The following IL17RC variants were observed in gnomAD, a reference collection of about 807,000 sequenced individuals.
IL17RC encodes the protein interleukin-17 receptor C.
IL17RC carries 53 observed loss-of-function variants against 86.7 expected under a neutral mutation model. That is an observed-to-expected ratio of 0.61 (90% confidence interval 0.49 to 0.77). IL17RC has a LOEUF of 0.77. Ranked by LOEUF, IL17RC falls within the 30% of genes least tolerant of loss-of-function variation. The pLI is 0.00. For missense variants in IL17RC, 957 were observed against 940.0 expected (o/e 1.02, Z -0.24); for synonymous variants, 439 against 413.1 (o/e 1.06, Z -0.76).
chr3:9,928,687 C>T, intron 12 of IL17RC, 57 bp downstream of exon 12: 3 of 1,549,934 alleles, frequency 1.9e-6, no homozygotes, highest in Admixed American at 1.7e-5. Context: ...GACCCCCCAG[C>T]CAAGGGGGTC....
intron 1 of IL17RC, 107 bp downstream of exon 1, chr3:9,917,527 T>A: frequency 6.2e-7 from 1 of 1,614,128 alleles, no homozygotes; most frequent in Non-Finnish European, 8.5e-7. Context: ...AGAACTGCCC[T>A]GTCTGGTCTG....
Position 9,933,521 on chromosome 3 carries a change from T to A in IL17RC, c.2091T>A (p.His697Gln). Residue 697 changes from histidine to glutamine, a missense_variant, in exon 19 of 19, where the codon CAT becomes CAA. His to Gln is a conservative substitution (Grantham distance 24, BLOSUM62 0). Transcript: ENST00000403601. ...ALQPALDSYF[H>Q]PPGTPAPGRG... ...AGCCAGCCCTGGATAGCTACTTCCA[T>A]CCCCCGGGGACTCCCGCGCCGGGAC... The A allele has an allele frequency of 6.2e-7, 1 of 1,608,278 alleles. No individual in the cohort carries two copies. The highest frequency in any genetic ancestry group is 8.5e-7 in the Non-Finnish European group (1 of 1,177,790).
Position 9,930,277 on chromosome 3 carries a change from T to A in IL17RC, c.1279-123T>A, listed in dbSNP as rs1038902666. On this transcript the variant is annotated intron_variant, in intron 14 of 18. Coordinates refer to ENST00000403601, the MANE Select transcript of IL17RC (RefSeq NM_153460.4). The surrounding 1 kb of genome is among the most constrained non-coding windows in gnomAD (Gnocchi z 5.8). Reference sequence around the variant, plus strand: ...GGGGGTGACTCAGACCAGGGCCATATTCAGCGGCATCACCAAAGTCTCCCA... The same window carrying A: ...GGGGGTGACTCAGACCAGGGCCATAATCAGCGGCATCACCAAAGTCTCCCA... 2 of 1,523,638 alleles carry A rather than the reference T, an allele frequency of 1.3e-6. No homozygotes were observed. Among genetic ancestry groups the A allele is most frequent in the Non-Finnish European group, 1.8e-6 (2 of 1,106,676 alleles). 94.4% of individuals were successfully genotyped at this position (1,523,638 alleles called of 1,614,324 possible).
intron 12 of IL17RC, 58 bp from the exon 13 acceptor site, chr3:9,929,794 T>G (rs1487214055): frequency 6.2e-7 from 1 of 1,604,054 alleles, no homozygotes; most frequent in Admixed American, 1.7e-5. Context: ...CATTCTGGTC[T>G]TTCTGCCTTT....
Position 9,917,228 on chromosome 3 carries a change from C to A in IL17RC, c.-88C>A. ...AAGAGGGATTCCAGCCCCTGCCACC[C>A]ACAGACACGGGCTGACTGGGGTGTC... On this transcript the variant is annotated 5_prime_UTR_variant, in exon 1 of 19. Transcript: ENST00000403601. 1 of 1,061,204 alleles carries A rather than the reference C, an allele frequency of 9.4e-7. No homozygotes were observed. Among genetic ancestry groups the A allele is most frequent in the Non-Finnish European group, 1.4e-6 (1 of 735,276 alleles). 65.7% of individuals were successfully genotyped at this position (1,061,204 alleles called of 1,614,324 possible).
Position 9,933,559 on chromosome 3 carries a change from C to T in IL17RC, c.2129C>T (p.Pro710Leu). 1 of 1,606,732 alleles carries T rather than the reference C, an allele frequency of 6.2e-7. No homozygotes were observed. The highest frequency in any genetic ancestry group is 8.5e-7 in the Non-Finnish European group (1 of 1,177,018). The part of the protein sequence containing the change: ...GTPAPGRGVG[P>L]GAGPGAGDGT ...CCCGCGCCGGGACGCGGGGTGGGACCAGGCGCGGGACCTGGGGCGGGGGAC... is the reference window on the plus strand; with the variant it reads ...CCCGCGCCGGGACGCGGGGTGGGACTAGGCGCGGGACCTGGGGCGGGGGAC... Residue 710 changes from proline (P) to leucine (L), a missense_variant, in exon 19 of 19, where the codon CCA (proline) becomes CTA (leucine). Coordinates refer to ENST00000403601, the MANE Select transcript of IL17RC (RefSeq NM_153460.4).
intron 9 of IL17RC, 62 bp downstream of exon 9, chr3:9,924,353 C>G: frequency 6.7e-7 from 1 of 1,498,154 alleles, no homozygotes. Flanking sequence ...GGGGGTGATC[C>G]CTGCCTTCCT....
Position 9,930,038 on chromosome 3 carries a change from G to T in IL17RC, c.1167G>T (p.Gly389=), listed in dbSNP as rs192723244. 1.4e-4 allele frequency: 231 copies of T among 1,614,046 alleles called. No individual in the cohort carries two copies. The East Asian group carries it at 5.0e-3, about 35-fold the overall frequency. Residue 389 remains glycine, a synonymous_variant, in exon 14 of 19, where the codon GGG becomes GGT. Transcript: ENST00000403601. The surrounding 1 kb of genome is among the most constrained non-coding windows in gnomAD (Gnocchi z 5.8). The part of the protein sequence containing the change: ...LQECLWADSL[G]PLKDDVLLLE... Reference sequence around the variant, plus strand: ...TCTCACCCCTTCCAGACTCCCTGGGGCCTCTCAAAGACGATGTGCTACTGT... The same window carrying T: ...TCTCACCCCTTCCAGACTCCCTGGGTCCTCTCAAAGACGATGTGCTACTGT...
Position 9,930,335 on chromosome 3 carries a change from C to G in IL17RC, c.1279-65C>G. 6.3e-7 allele frequency: 1 copy of G among 1,582,844 alleles called. No individual in the cohort carries two copies. Among genetic ancestry groups the G allele is most frequent in the East Asian group, 2.2e-5 (1 of 44,644 alleles). On this transcript the variant is annotated intron_variant, in intron 14 of 18. Coordinates refer to ENST00000403601, the MANE Select transcript of IL17RC (RefSeq NM_153460.4). The surrounding 1 kb of genome is among the most constrained non-coding windows in gnomAD (Gnocchi z 5.8). ...CTACCTCATTCTACCCAGCTGTAGC[C>G]TGGTAGGTGCTGCCCTAAGGGTGCT...
intron 9 of IL17RC, 134 bp downstream of exon 9, chr3:9,924,425 C>A: frequency 1.2e-6 from 1 of 839,932 alleles, no homozygotes; most frequent in Non-Finnish European, 1.9e-6. Flanking sequence ...GGGTGGCTGG[C>A]CCTCCCTTGA....
chr3:9,932,521 C>CA (rs1424236358), intron 16 of IL17RC, 87 bp from the exon 17 acceptor site: 1 of 1,254,802 alleles, frequency 8.0e-7, no homozygotes, highest in Non-Finnish European at 1.2e-6. Flanking sequence ...TGAGCCACCG[C>CA]ACCCGGCCCA....
chr3:9,932,890 G>C, intron 18 of IL17RC, 32 bp downstream of exon 18: 1 of 1,590,886 alleles, frequency 6.3e-7, no homozygotes, highest in East Asian at 2.2e-5. Flanking sequence ...GCGGAGGGCC[G>C]CCCCCGGGGA....
chr3:9,927,367 GC>G (rs34463360), intron 9 of IL17RC, among the ~76,000 whole-genome samples: 152,093 of 152,094 alleles, frequency 1, 76,046 homozygotes, highest in Non-Finnish European at 1. Flanking sequence ...GACCAGCCTG[GC>G]CTAACATAGT....
intron 5 of IL17RC, among the ~76,000 whole-genome samples, chr3:9,919,640 C>T (rs779422628): frequency 1.2e-4 from 18 of 151,558 alleles, no homozygotes; most frequent in Non-Finnish European, 2.2e-4. Flanking sequence ...AGCGAGATTC[C>T]GTCTCAAAAA....
At position 9,930,258 on chromosome 3, in the gene IL17RC, G is replaced by A. The variant is rs1210514957; in HGVS notation, c.1278+109G>A. The A allele has an allele frequency of 1.9e-6, 3 of 1,547,050 alleles. No homozygotes were observed. Among genetic ancestry groups the A allele is most frequent in the African/African-American group, 2.7e-5 (2 of 73,692 alleles). ...GCCGGTCTCTGGGAACATGGGGGGT[G>A]ACTCAGACCAGGGCCATATTCAGCG... On this transcript the variant is annotated intron_variant, in intron 14 of 18. Transcript: ENST00000403601. This position sits in a 1 kb window ranked among gnomAD's most constrained non-coding sequence, Gnocchi z 5.8.
At position 9,930,236 on chromosome 3, in the gene IL17RC, G is replaced by A. The variant is rs1038459857; in HGVS notation, c.1278+87G>A. 3.4e-5 allele frequency: 54 copies of A among 1,573,866 alleles called. No homozygotes were observed. In the Middle Eastern group the frequency reaches 5.0e-4, roughly 15 times the overall value. On this transcript the variant is annotated intron_variant, in intron 14 of 18. Transcript: ENST00000403601. The surrounding 1 kb of genome is among the most constrained non-coding windows in gnomAD (Gnocchi z 5.8). ...ATTTTCACTCCATCCACCCTGTGCC[G>A]GTCTCTGGGAACATGGGGGGTGACT...
At chr3:9,929,391 G>A in intron 12 of IL17RC, 1 of 164,686 alleles carries the variant, frequency 6.1e-6, no homozygotes, top group Non-Finnish European at 1.3e-5. Flanking sequence ...ACTGTTTTAG[G>A]CACTTGTGAT....
Position 9,928,183 on chromosome 3 carries a change from T to C in IL17RC, c.840T>C (p.Pro280=), listed in dbSNP as rs1450268597. 2.5e-6 allele frequency: 4 copies of C among 1,614,000 alleles called. No individual in the cohort carries two copies. The Admixed American group carries it at 6.7e-5, about 27-fold the overall frequency. Residue 280 remains proline (P), a synonymous_variant, in exon 10 of 19, where the codon CCT becomes CCC. Transcript: ENST00000403601. ...CTTTCCAGGTGTGGCCTCTGGAACCTGACTCCGTTAGGACGAACATCTGCC... is the reference window on the plus strand; with the variant it reads ...CTTTCCAGGTGTGGCCTCTGGAACCCGACTCCGTTAGGACGAACATCTGCC... ...CLCIQVWPLE[P]DSVRTNICPF...
At position 9,930,678 on chromosome 3, in the gene IL17RC, G is replaced by C; in HGVS notation, c.1339-217G>C. ...TGCTAAGTTTTGGGTTCCAGGGAGA[G>C]CTTCCGGGAAGAATTTCTTCCTATA... On this transcript the variant is annotated intron_variant, in intron 15 of 18. Coordinates refer to ENST00000403601, the MANE Select transcript of IL17RC (RefSeq NM_153460.4). This position sits in a 1 kb window ranked among gnomAD's most constrained non-coding sequence, Gnocchi z 5.8. 1.5e-6 allele frequency: 1 copy of C among 672,358 alleles called. No homozygotes were observed. 41.6% of individuals were successfully genotyped at this position (672,358 alleles called of 1,614,324 possible). A position where few individuals can be genotyped will look rare whatever the true frequency, so the allele number is the denominator to read the frequency against.
Sources: gnomAD v4.1 joint callset for allele counts (sites outside exome capture counted in the v4.1 genomes callset) on GRCh38, gnomAD v4.1.1 for gene constraint, Gnocchi (gnomAD v3.1) non-coding constraint, MANE v1.5 for transcripts, NCBI Gene and HGNC (gene_info 2026-07-23, HGNC 2026-07-21) for gene names.